The following TTBK2 variants were observed in gnomAD, a reference collection of about 807,000 sequenced individuals.
TTBK2 encodes tau-tubulin kinase 2.
In TTBK2, 28 loss-of-function variants were observed where a neutral mutation model predicts 110.8. The observed-to-expected ratio is 0.25, with a 90% CI of 0.19 to 0.35. TTBK2 has a LOEUF of 0.35. Among genes scored for constraint, TTBK2 ranks in the 10% least tolerant of loss-of-function variants. TTBK2 has a pLI of 1.00. For synonymous variants in TTBK2, 532 were observed against 527.3 expected (o/e 1.01, Z -0.12); for missense variants, 1,369 against 1,500.3 (o/e 0.91, Z 1.45).
intron 14 of TTBK2, among the ~76,000 whole-genome samples, chr15:42,749,283 T>TA (rs1595874385): frequency 6.6e-6 from 1 of 152,214 alleles, no homozygotes; most frequent in African/African-American, 2.4e-5. Context: ...TAGGAAGCAC[T>TA]AGGAATCTGT....
At chr15:42,804,832 A>G (rs984261726) in intron 9 of TTBK2, among the ~76,000 whole-genome samples, 14 of 152,194 alleles carry the variant, frequency 9.2e-5, no homozygotes, top group African/African-American at 3.4e-4. Flanking sequence ...CTCTGCTTTC[A>G]ACTACTGGAC....
chr15:42,781,953 CT>C (rs1341316912), intron 11 of TTBK2, among the ~76,000 whole-genome samples: 2 of 152,024 alleles, frequency 1.3e-5, no homozygotes, highest in Admixed American at 1.3e-4. Context: ...TATATGAAAT[CT>C]TTTATATATA....
chr15:42,797,740 A>C (rs1891007250), intron 9 of TTBK2, among the ~76,000 whole-genome samples: 1 of 152,174 alleles, frequency 6.6e-6, no homozygotes, highest in Non-Finnish European at 1.5e-5. Context: ...AATAGATTTG[A>C]GAATAAAAAT....
chr15:42,777,405 CT>C (rs1306563984), intron 11 of TTBK2, among the ~76,000 whole-genome samples, 163 bp from the exon 12 acceptor site: 7 of 152,166 alleles, frequency 4.6e-5, no homozygotes, highest in Non-Finnish European at 8.8e-5. Flanking sequence ...TCTATTAACT[CT>C]TTATTAAATG....
intron 9 of TTBK2, among the ~76,000 whole-genome samples, chr15:42,809,357 TC>T (rs1482345046): frequency 6.6e-6 from 1 of 152,352 alleles, no homozygotes; most frequent in East Asian, 1.9e-4. Flanking sequence ...TTTAAAATAA[TC>T]ATTAAGTTTC....
intron 3 of TTBK2, among the ~76,000 whole-genome samples, chr15:42,853,920 T>G (rs1402162402): frequency 6.6e-6 from 1 of 150,862 alleles, no homozygotes; most frequent in African/African-American, 2.5e-5. Context: ...AGAAATCAGA[T>G]CTACAGAATA....
At chr15:42,818,305 C>T (rs1230717156) in intron 6 of TTBK2, among the ~76,000 whole-genome samples, 2 of 152,116 alleles carry the variant, frequency 1.3e-5, no homozygotes, top group Admixed American at 6.6e-5. Flanking sequence ...TCTGTGCGGG[C>T]GAGGTCTTTG....
At chr15:42,836,812 A>G (rs1400167235) in intron 4 of TTBK2, among the ~76,000 whole-genome samples, 2 of 152,228 alleles carry the variant, frequency 1.3e-5, no homozygotes, top group South Asian at 2.1e-4. Flanking sequence ...TACTGCCTAA[A>G]GAATACTGGG....
At position 42,772,644 on chromosome 15, in the gene TTBK2, T is replaced by C. The variant is rs551533014; in HGVS notation, c.1998+2491A>G. 2.6e-5 allele frequency among the ~76,000 whole-genome samples: 4 copies of C among 152,166 alleles called. No individual in the cohort carries two copies. The East Asian group carries it at 7.7e-4, about 29-fold the overall frequency. Reference sequence around the variant, plus strand: ...GCCACATTTACACTGTTTCTAAAGGTAATATTAAAATGAAGCACTGACTGG... The same window carrying C: ...GCCACATTTACACTGTTTCTAAAGGCAATATTAAAATGAAGCACTGACTGG... On this transcript the variant is annotated intron_variant, in intron 13 of 14. Coordinates refer to ENST00000267890, the MANE Select transcript of TTBK2 (RefSeq NM_173500.4).
At chr15:42,914,621 T>C (rs941321527) in intron 1 of TTBK2, among the ~76,000 whole-genome samples, 98 of 152,346 alleles carry the variant, frequency 6.4e-4, no homozygotes, top group African/African-American at 2.3e-3. Flanking sequence ...CAAAACTCTT[T>C]CAAGTGTTCT....
At chr15:42,773,420 G>T (rs1015894657) in intron 13 of TTBK2, among the ~76,000 whole-genome samples, 1 of 146,242 alleles carries the variant, frequency 6.8e-6, no homozygotes, top group Admixed American at 7.0e-5. Flanking sequence ...CTGGGCAACA[G>T]AGTGAGACTG....
At chr15:42,881,199 C>T (rs566890062) in intron 1 of TTBK2, among the ~76,000 whole-genome samples, 1 of 142,658 alleles carries the variant, frequency 7.0e-6, no homozygotes, top group Non-Finnish European at 1.5e-5. Flanking sequence ...AGGAGAATGG[C>T]GTGAACCCGG....
rs567972612 is a variant in TTBK2 at position 42,766,446 on chromosome 15, C to CAAAAAAAA, written c.1998+8681_1998+8688dup. 4.9e-4 allele frequency among the ~76,000 whole-genome samples: 15 copies of CAAAAAAAA among 30,858 alleles called. 2 individuals are homozygous for CAAAAAAAA. The highest frequency in any genetic ancestry group is 3.2e-3 in the African/African-American group (10 of 3,084). The allele number at this position is 30,858 out of a possible 152,430, so 20.2% of individuals were successfully genotyped here. ...GAAGATCTACCAAGCGAATGGAAAG[C>CAAAAAAAA]AAAAAAAAAAAAAAAAAAAAAGCAA... is the stretch of plus-strand genomic sequence containing the variant. On this transcript the variant is annotated intron_variant, in intron 13 of 14. Coordinates refer to ENST00000267890, the MANE Select transcript of TTBK2 (RefSeq NM_173500.4).
chr15:42,799,943 A>G (rs946709327), intron 9 of TTBK2, among the ~76,000 whole-genome samples: 30 of 152,094 alleles, frequency 2.0e-4, no homozygotes, highest in Non-Finnish European at 3.2e-4. Flanking sequence ...CCAAAAATAC[A>G]TAAAATTAGC....
chr15:42,782,538 C>T lies in TTBK2; in HGVS notation c.1197+881G>A, dbSNP rs150903288. ...GCAGCTACATATCTACCCAAAGAGA[C>T]CGTAAGCTCCTTAAAGGTAAAAGAT... On this transcript the variant is annotated intron_variant, in intron 11 of 14. Coordinates refer to ENST00000267890, the MANE Select transcript of TTBK2 (RefSeq NM_173500.4). Among the ~76,000 whole-genome samples the T allele has an allele frequency of 4.6e-3, 703 of 152,328 alleles. 14 individuals carry two copies. Among genetic ancestry groups the T allele is most frequent in the African/African-American group, 0.016 (669 of 41,570 alleles).
At position 42,878,694 on chromosome 15, in the gene TTBK2, C is replaced by A; in HGVS notation, c.-67-10G>T. The A allele has an allele frequency of 6.2e-7, 1 of 1,610,158 alleles. No homozygotes were observed. The highest frequency in any genetic ancestry group is 1.7e-5 in the Admixed American group (1 of 59,720). ...GTGGTTTCCATTTAACCTAAAACAA[C>A]AACAACAAAAAATAGTAGCAGTATT... On this transcript the variant is annotated splice_polypyrimidine_tract_variant and intron_variant, in intron 1 of 14. Coordinates refer to ENST00000267890, the MANE Select transcript of TTBK2 (RefSeq NM_173500.4).
chr15:42,862,723 T>C (rs1174215385), intron 3 of TTBK2, among the ~76,000 whole-genome samples: 1 of 151,938 alleles, frequency 6.6e-6, no homozygotes, highest in Non-Finnish European at 1.5e-5. Context: ...ACCCTGTCTC[T>C]ACTAAAAATA....
At chr15:42,766,056 G>A (rs1889357187) in intron 13 of TTBK2, among the ~76,000 whole-genome samples, 3 of 152,128 alleles carry the variant, frequency 2.0e-5, no homozygotes, top group Admixed American at 2.0e-4. Context: ...ATCCTTTACA[G>A]ACAAGCAAAT....
At chr15:42,861,578 G>C (rs1894159823) in intron 3 of TTBK2, among the ~76,000 whole-genome samples, 1 of 151,942 alleles carries the variant, frequency 6.6e-6, no homozygotes, top group African/African-American at 2.4e-5. Context: ...AAAATATTTG[G>C]GATGCAGTTA....
Sources: gnomAD v4.1 joint callset for allele counts (sites outside exome capture counted in the v4.1 genomes callset) on GRCh38, gnomAD v4.1.1 for gene constraint, MANE v1.5 for transcripts, NCBI Gene and HGNC (gene_info 2026-07-23, HGNC 2026-07-21) for gene names.